Variants in ZNF385D observed in about 807,000 individuals in gnomAD.
The protein encoded by ZNF385D is zinc finger protein 659.
ZNF385D carries 15 observed loss-of-function variants against 35.8 expected under a neutral mutation model. The observed-to-expected ratio is 0.42, with a 90% CI of 0.28 to 0.64. The LOEUF (loss-of-function observed/expected upper bound fraction) is 0.64. Ranked by LOEUF, ZNF385D falls within the 30% of genes least tolerant of loss-of-function variation. The probability of loss-of-function intolerance (pLI) is 0.23; values close to 1 mark genes in which losing one functional copy is unlikely to be tolerated. For missense variants in ZNF385D, 474 were observed against 494.6 expected, an observed-to-expected ratio of 0.96 and a Z score of 0.39; for synonymous variants, 212 against 186.8, an observed-to-expected ratio of 1.13 and a Z score of -1.10.
intron 5 of ZNF385D, among the ~76,000 whole-genome samples, chr3:21,428,443 T>A (rs74833887): frequency 6.6e-6 from 1 of 152,208 alleles, no homozygotes; most frequent in African/African-American, 2.4e-5. Context: ...TCCTTAGAAA[T>A]TCACTAAGAA....
intron 1 of ZNF385D, among the ~76,000 whole-genome samples, chr3:21,667,713 G>T (rs1435900749): frequency 2.6e-5 from 4 of 152,184 alleles, no homozygotes; most frequent in Non-Finnish European, 5.9e-5. Context: ...TCCTCCTCTG[G>T]TTTAGGGTAT....
At chr3:21,949,703 C>G (rs879562389) in intron 3 of ZNF385D, among the ~76,000 whole-genome samples, 5 of 151,928 alleles carry the variant, frequency 3.3e-5, no homozygotes, top group Non-Finnish European at 5.9e-5. Context: ...CTATCCCTCC[C>G]CTAGTCCCTC....
intron 3 of ZNF385D, among the ~76,000 whole-genome samples, chr3:21,770,300 C>T (rs574347450): frequency 1.3e-5 from 2 of 152,212 alleles, no homozygotes; most frequent in African/African-American, 4.8e-5. Flanking sequence ...AGTGAACAGG[C>T]AACCTACAGA....
chr3:21,572,566 A>C (rs996535385), intron 2 of ZNF385D, among the ~76,000 whole-genome samples: 15 of 152,170 alleles, frequency 9.9e-5, no homozygotes, highest in African/African-American at 3.1e-4. Flanking sequence ...TCTCTTCTTC[A>C]TCAAACCTAC....
At chr3:21,740,313 G>A (rs1458493059) in intron 1 of ZNF385D, among the ~76,000 whole-genome samples, 1 of 152,120 alleles carries the variant, frequency 6.6e-6, no homozygotes, top group Non-Finnish European at 1.5e-5. Flanking sequence ...GGTGGACCAG[G>A]AACATTTAAC....
chr3:21,701,843 T>C (rs997011397), intron 1 of ZNF385D, among the ~76,000 whole-genome samples: 2 of 152,172 alleles, frequency 1.3e-5, no homozygotes, highest in Non-Finnish European at 2.9e-5. Flanking sequence ...TAATCTCCTT[T>C]GACTCCAGGT....
intron 3 of ZNF385D, among the ~76,000 whole-genome samples, chr3:21,888,346 A>AATAGGGGCC (rs1263670162): frequency 6.6e-6 from 1 of 152,174 alleles, no homozygotes; most frequent in Non-Finnish European, 1.5e-5. Context: ...AATAAAACAA[A>AATAGGGGCC]ATAGGGGCCA....
At chr3:22,238,296 G>A (rs2729000) in intron 2 of ZNF385D, among the ~76,000 whole-genome samples, 60,543 of 150,510 alleles carry the variant, frequency 0.4, 15,189 homozygotes, top group East Asian at 0.77. Flanking sequence ...GCTATTGGGG[G>A]TCCCTTGCAT....
At chr3:22,330,608 T>G (rs990565706) in intron 2 of ZNF385D, among the ~76,000 whole-genome samples, 2 of 152,098 alleles carry the variant, frequency 1.3e-5, no homozygotes, top group African/African-American at 4.8e-5. Context: ...AATGCTTCAG[T>G]TTTTCTTTAG....
chr3:21,741,114 T>TC (rs2069494762), intron 1 of ZNF385D, among the ~76,000 whole-genome samples: 2 of 152,114 alleles, frequency 1.3e-5, no homozygotes, highest in Admixed American at 1.3e-4. Context: ...ACATCACCTG[T>TC]TATCACCTAT....
intron 2 of ZNF385D, among the ~76,000 whole-genome samples, chr3:22,187,273 A>C (rs193274759): frequency 6.6e-6 from 1 of 152,330 alleles, no homozygotes; most frequent in East Asian, 1.9e-4. Flanking sequence ...ATCGAAGTCT[A>C]TTAAAATAAG....
chr3:21,422,876 A>G (rs1031679021), intron 7 of ZNF385D, among the ~76,000 whole-genome samples: 1 of 152,158 alleles, frequency 6.6e-6, no homozygotes, highest in African/African-American at 2.4e-5. Context: ...CCCACAACCA[A>G]CATCATACTG....
intron 2 of ZNF385D, among the ~76,000 whole-genome samples, chr3:22,216,951 G>T (rs902733428): frequency 6.6e-6 from 1 of 152,082 alleles, no homozygotes; most frequent in Admixed American, 6.6e-5. Flanking sequence ...GGAGAGAGAA[G>T]TGCCTGCCAA....
chr3:21,813,118 C>T (rs143988927), intron 3 of ZNF385D, among the ~76,000 whole-genome samples: 11,744 of 152,302 alleles, frequency 0.077, 617 homozygotes, highest in South Asian at 0.12. Flanking sequence ...TCCAACAGAC[C>T]TGCAGCTGAG....
chr3:22,199,097 G>C (rs1696613302), intron 2 of ZNF385D, among the ~76,000 whole-genome samples: 1 of 151,880 alleles, frequency 6.6e-6, no homozygotes, highest in South Asian at 2.1e-4. Context: ...GAATCTCTTA[G>C]CTCTGAGATT....
At chr3:22,364,871 G>C (rs1434690655) in intron 2 of ZNF385D, among the ~76,000 whole-genome samples, 1 of 152,028 alleles carries the variant, frequency 6.6e-6, no homozygotes, top group Non-Finnish European at 1.5e-5. Flanking sequence ...CAGTTGACAA[G>C]AAATGCAAAA....
chr3:22,206,838 A>G (rs1697189431), intron 2 of ZNF385D, among the ~76,000 whole-genome samples: 1 of 151,918 alleles, frequency 6.6e-6, no homozygotes. Context: ...TCAAATATAT[A>G]ACCTGATAAT....
chr3:22,183,440 C>A (rs1320790471), intron 2 of ZNF385D, among the ~76,000 whole-genome samples: 2 of 151,980 alleles, frequency 1.3e-5, no homozygotes, highest in African/African-American at 2.4e-5. Flanking sequence ...TCACTACAAC[C>A]TCCGCCTCCC....
chr3:21,733,417 T>C (rs1454702766), intron 1 of ZNF385D, among the ~76,000 whole-genome samples: 9 of 152,192 alleles, frequency 5.9e-5, no homozygotes, highest in Admixed American at 5.9e-4. Context: ...TGTTTGTTCA[T>C]ATTCTTCATC....
Sources: allele counts gnomAD v4.1 joint callset (sites outside exome capture counted in the v4.1 genomes callset), GRCh38; gene constraint gnomAD v4.1.1; transcripts MANE v1.5; gene names NCBI Gene and HGNC (gene_info 2026-07-23, HGNC 2026-07-21).